The following TEAD1 variants were observed in gnomAD, a reference collection of about 807,000 sequenced individuals.
The protein encoded by TEAD1 is TEA domain transcription factor 1.
In TEAD1, 9 loss-of-function variants were observed where a neutral mutation model predicts 54.9. That is an observed-to-expected ratio of 0.16 (90% CI 0.10 to 0.29). The LOEUF is 0.29. Ranked by LOEUF, TEAD1 falls within the 10% of genes least tolerant of loss-of-function variation. The pLI is 1.00. For synonymous variants in TEAD1, 200 were observed against 187.8 expected (o/e 1.07, Z -0.53); for missense variants, 387 against 535.9 (o/e 0.72, Z 2.74).
chr11:12,699,268 G>T (rs1943647102), intron 2 of TEAD1, among the ~76,000 whole-genome samples: 1 of 151,720 alleles, frequency 6.6e-6, no homozygotes, highest in Non-Finnish European at 1.5e-5. Context: ...GCTCTATAAT[G>T]TGTATACCTA....
At chr11:12,683,735 G>A (rs1222827506) in intron 2 of TEAD1, among the ~76,000 whole-genome samples, 1 of 152,144 alleles carries the variant, frequency 6.6e-6, no homozygotes, top group African/African-American at 2.4e-5. Context: ...CTACAGATTT[G>A]AAACTTGGCT....
intron 3 of TEAD1, among the ~76,000 whole-genome samples, chr11:12,824,514 A>G (rs1368687506): frequency 1.3e-5 from 2 of 152,188 alleles, no homozygotes; most frequent in East Asian, 3.8e-4. Flanking sequence ...CTTTCAAACA[A>G]TGTTGGATAC....
rs377372210 is a variant in TEAD1 at position 12,939,339 on chromosome 11, T to C, written c.*2117T>C. 13 of 152,282 alleles carry C rather than the reference T, an allele frequency of 8.5e-5. No individual in the cohort carries two copies. Among genetic ancestry groups the C allele is most frequent in the African/African-American group, 3.1e-4 (13 of 41,450 alleles). The allele number at this position is 152,282 out of a possible 1,614,324, so 9.4% of individuals were successfully genotyped here. A position where few individuals can be genotyped will look rare whatever the true frequency, so the allele number is the denominator to read the frequency against. ...TCTTTTGCTCTTATTTCCTGCATCT[T>C]TCCTTAAGGGAAGCCCCATCCTCTC... On this transcript the variant is annotated 3_prime_UTR_variant, in exon 13 of 13. Transcript: ENST00000527636.
intron 9 of TEAD1, among the ~76,000 whole-genome samples, chr11:12,900,764 G>A (rs1026826563): frequency 1.3e-5 from 2 of 152,138 alleles, no homozygotes; most frequent in Admixed American, 6.5e-5. Context: ...GAATAGATTA[G>A]TACTCAGGGA....
intron 10 of TEAD1, among the ~76,000 whole-genome samples, chr11:12,913,140 C>T (rs1297183861): frequency 6.6e-6 from 1 of 152,190 alleles, no homozygotes; most frequent in African/African-American, 2.4e-5. Context: ...GTTGGATTAA[C>T]TGGACACTTC....
chr11:12,937,009 C>T (rs1949113557), intron 12 of TEAD1, 100 bp from the exon 13 acceptor site: 1 of 810,874 alleles, frequency 1.2e-6, no homozygotes, highest in East Asian at 2.7e-5. Flanking sequence ...CTCTCTTGGA[C>T]TTAAGACTTG....
rs1001069491 is a variant in TEAD1, at chr11:12,938,530, G to C, written c.*1308G>C. Reference sequence around the variant, plus strand: ...TGCTGATATGTACGTATATCTCAATGTGTCTGTAGACTTAGATACATCCTC... The same window carrying C: ...TGCTGATATGTACGTATATCTCAATCTGTCTGTAGACTTAGATACATCCTC... On this transcript the variant is annotated 3_prime_UTR_variant, in exon 13 of 13. Transcript: ENST00000527636. The C allele has an allele frequency of 6.6e-6, 1 of 152,200 alleles. No homozygotes were observed. The highest frequency in any genetic ancestry group is 1.5e-5 in the Non-Finnish European group (1 of 68,032). 9.4% of individuals were successfully genotyped at this position (152,200 alleles called of 1,614,324 possible).
intron 3 of TEAD1, among the ~76,000 whole-genome samples, chr11:12,852,435 C>T (rs961845275): frequency 4.2e-5 from 6 of 144,212 alleles, no homozygotes; most frequent in Non-Finnish European, 6.0e-5. Context: ...TCCATTAAAT[C>T]TCATCTTTTT....
intron 3 of TEAD1, chr11:12,823,722 G>A (rs1015030289): frequency 4.6e-5 from 7 of 152,164 alleles, no homozygotes; most frequent in Admixed American, 3.3e-4. Flanking sequence ...GAGTTATGTT[G>A]GGGATATGTC....
At chr11:12,729,116 T>C (rs568970041) in intron 2 of TEAD1, among the ~76,000 whole-genome samples, 83 of 152,338 alleles carry the variant, frequency 5.4e-4, no homozygotes, top group African/African-American at 2.0e-3. Context: ...ACTTGGTGCC[T>C]GGAAAAGTAC....
intron 3 of TEAD1, among the ~76,000 whole-genome samples, chr11:12,831,319 G>A (rs1377436413): frequency 6.6e-6 from 1 of 152,024 alleles, no homozygotes. Flanking sequence ...GCCAGCTGAG[G>A]GCTTTCTTCT....
chr11:12,885,232 GTC>G (rs1948062372), intron 9 of TEAD1, among the ~76,000 whole-genome samples: 2 of 115,688 alleles, frequency 1.7e-5, no homozygotes, highest in East Asian at 2.6e-4. Flanking sequence ...CTCTTGAATT[GTC>G]TTTTTTTTTT....
In TEAD1 at chr11:12,782,426, A is replaced by G. The variant is rs75326819; in HGVS notation, c.202+17992A>G. Among the ~76,000 whole-genome samples, 62 of 152,366 alleles carry G rather than the reference A, an allele frequency of 4.1e-4. No homozygotes were observed. The East Asian group carries it at 5.6e-3, about 14-fold the overall frequency. ...TCATACGAAATGCCCGGAATAGGTC[A>G]GTCTACAGAAGCAGGAAGCAGATTA... On this transcript the variant is annotated intron_variant, in intron 3 of 12. Coordinates refer to ENST00000527636, the MANE Select transcript of TEAD1 (RefSeq NM_021961.6).
chr11:12,942,569 T>TA lies in TEAD1; in HGVS notation c.*5348dup, dbSNP rs1949171848. On this transcript the variant is annotated 3_prime_UTR_variant, in exon 13 of 13. Coordinates refer to ENST00000527636, the MANE Select transcript of TEAD1 (RefSeq NM_021961.6). ...GACAGAATCTCGGCTGGTGGACAGATACTACAGCTTTCTCCTCCTCCTTGT... is the reference window on the plus strand; with the variant it reads ...GACAGAATCTCGGCTGGTGGACAGATAACTACAGCTTTCTCCTCCTCCTTGT... 4.6e-5 allele frequency: 7 copies of TA among 152,326 alleles called. No individual in the cohort carries two copies. The South Asian group carries it at 1.2e-3, about 27-fold the overall frequency. 9.4% of individuals were successfully genotyped at this position (152,326 alleles called of 1,614,324 possible). A position where few individuals can be genotyped will look rare whatever the true frequency, so the allele number is the denominator to read the frequency against.
chr11:12,884,982 A>G (rs1948056883), intron 9 of TEAD1, among the ~76,000 whole-genome samples: 1 of 152,134 alleles, frequency 6.6e-6, no homozygotes, highest in Non-Finnish European at 1.5e-5. Context: ...TTTCCATGAC[A>G]CTTTGTTGTT....
intron 2 of TEAD1, among the ~76,000 whole-genome samples, chr11:12,763,448 G>A (rs1399246898): frequency 2.0e-5 from 3 of 152,242 alleles, no homozygotes; most frequent in African/African-American, 7.2e-5. Flanking sequence ...TTACAGTCTA[G>A]GAGCTGAGAG....
chr11:12,824,155 C>T (rs1418974601), intron 3 of TEAD1, among the ~76,000 whole-genome samples: 2 of 152,178 alleles, frequency 1.3e-5, no homozygotes, highest in East Asian at 1.9e-4. Flanking sequence ...GTGAAATCCC[C>T]AATTGTAATG....
At chr11:12,843,871 G>T (rs1590204785) in intron 3 of TEAD1, among the ~76,000 whole-genome samples, 1 of 152,168 alleles carries the variant, frequency 6.6e-6, no homozygotes, top group East Asian at 1.9e-4. Flanking sequence ...CTGGAGCCGG[G>T]TTAAATAACC....
chr11:12,783,405 A>T (rs2133951530), intron 3 of TEAD1, among the ~76,000 whole-genome samples: 1 of 152,162 alleles, frequency 6.6e-6, no homozygotes, highest in South Asian at 2.1e-4. Flanking sequence ...TGTGCTACTT[A>T]ACAGTGGTTC....
Sources: allele counts gnomAD v4.1 joint callset (sites outside exome capture counted in the v4.1 genomes callset), GRCh38; gene constraint gnomAD v4.1.1; transcripts MANE v1.5; gene names NCBI Gene and HGNC (gene_info 2026-07-23, HGNC 2026-07-21).